The following MRPS22 variants were observed in gnomAD, a reference collection of about 807,000 sequenced individuals.
The protein encoded by MRPS22 is mitochondrial ribosomal protein S22.
A neutral mutation model predicts 44.0 loss-of-function variants in MRPS22; 30 were observed. The ratio of observed to expected loss-of-function variants is 0.68; its 90% CI spans 0.51 to 0.93. MRPS22 has a LOEUF of 0.93. Among genes scored for constraint, MRPS22 ranks in the 40% least tolerant of loss-of-function variants. MRPS22 has a pLI of 0.00. For synonymous variants in MRPS22, 165 were observed against 154.4 expected, an observed-to-expected ratio of 1.07 and a Z score of -0.51; for missense variants, 447 against 447.8, an observed-to-expected ratio of 1.00 and a Z score of 0.02.
intron 3 of MRPS22, chr3:139,349,300 C>T: frequency 2.3e-6 from 1 of 441,834 alleles, no homozygotes; most frequent in South Asian, 1.7e-5. Context: ...ATTATGTTGG[C>T]ATGTGCTTTT....
At chr3:139,344,770 A>C in intron 1 of MRPS22, 1 of 647,652 alleles carries the variant, frequency 1.5e-6, no homozygotes, top group Non-Finnish European at 2.8e-6. Context: ...TAAAGGGACA[A>C]ATTAAGATTG....
intron 1 of MRPS22, among the ~76,000 whole-genome samples, chr3:139,345,983 GAGA>G (rs1207507580): frequency 1.3e-5 from 2 of 152,218 alleles, no homozygotes; most frequent in Non-Finnish European, 2.9e-5. Context: ...ACATTTATAG[GAGA>G]AGAAGAGGTG....
intron 2 of MRPS22, among the ~76,000 whole-genome samples, chr3:139,347,279 TCTCTC>T (rs994120422): frequency 3.9e-4 from 60 of 152,220 alleles, no homozygotes; most frequent in African/African-American, 1.3e-3. Flanking sequence ...GAGAGTATCC[TCTCTC>T]CTCTCAAGGC....
At chr3:139,344,261 C>T in intron 1 of MRPS22, 63 bp downstream of exon 1, 5 of 1,527,546 alleles carry the variant, frequency 3.3e-6, no homozygotes, top group Non-Finnish European at 4.4e-6. Context: ...CTGTTTCTGG[C>T]AGGCGAAAAC....
At chr3:139,348,454 C>T in intron 3 of MRPS22, 130 bp downstream of exon 3, 1 of 873,728 alleles carries the variant, frequency 1.1e-6, no homozygotes, top group East Asian at 2.5e-5. Context: ...TGAGACCCTT[C>T]TGGAAGATAT....
At chr3:139,348,442 G>A (rs1435450151) in intron 3 of MRPS22, 118 bp downstream of exon 3, 2 of 985,566 alleles carry the variant, frequency 2.0e-6, no homozygotes, top group Non-Finnish European at 3.2e-6. Context: ...CCTCTGACTG[G>A]GTGAGACCCT....
chr3:139,349,720 T>C (rs1366381446), intron 3 of MRPS22, among the ~76,000 whole-genome samples: 2 of 152,186 alleles, frequency 1.3e-5, no homozygotes, highest in Non-Finnish European at 1.5e-5. Context: ...AATGCCAATA[T>C]AAGAAATCAT....
At chr3:139,352,114 T>C (rs777532021) in intron 5 of MRPS22, 86 of 156,152 alleles carry the variant, frequency 5.5e-4, no homozygotes, top group Non-Finnish European at 1.4e-4. Flanking sequence ...TGCTACATTA[T>C]TTCCAGTGGT....
intron 2 of MRPS22, 93 bp from the exon 3 acceptor site, chr3:139,348,067 T>G (rs933646198): frequency 1.2e-5 from 16 of 1,334,470 alleles, no homozygotes; most frequent in Admixed American, 1.2e-4. Context: ...TCTATGCAGG[T>G]TTTTGCATTT....
intron 1 of MRPS22, 45 bp downstream of exon 1, chr3:139,344,243 C>A: frequency 6.4e-7 from 1 of 1,558,874 alleles, no homozygotes; most frequent in Non-Finnish European, 8.7e-7. Context: ...TTCTGGGAGA[C>A]GTAGATCCTG....
intron 1 of MRPS22, among the ~76,000 whole-genome samples, chr3:139,345,450 G>GTTTTTTTT (rs78050187): frequency 9.4e-6 from 1 of 106,514 alleles, no homozygotes. Flanking sequence ...TTTTTTTTTT[G>GTTTTTTTT]TTTTTTTTTT....
chr3:139,346,694 C>A (rs1056335288), intron 1 of MRPS22, among the ~76,000 whole-genome samples, 184 bp from the exon 2 acceptor site: 1 of 152,228 alleles, frequency 6.6e-6, no homozygotes, highest in African/African-American at 2.4e-5. Flanking sequence ...ATCTCCTCAT[C>A]ATAATGAGTG....
intron 5 of MRPS22, 178 bp from the exon 6 acceptor site, chr3:139,352,469 A>T (rs1466935243): frequency 1.2e-5 from 7 of 574,722 alleles, no homozygotes; most frequent in African/African-American, 1.1e-4. Flanking sequence ...CTTCCCACCT[A>T]AGGTGGGTTG....
At chr3:139,354,477 G>A (rs930602493) in intron 6 of MRPS22, among the ~76,000 whole-genome samples, 5 of 152,140 alleles carry the variant, frequency 3.3e-5, no homozygotes, top group South Asian at 4.1e-4. Context: ...GAGACATTTC[G>A]TTACTACATT....
rs369865840 is a variant in MRPS22, at chr3:139,351,139, G to A, written c.732+79G>A. The A allele has an allele frequency of 1.3e-4, 147 of 1,133,420 alleles. No individual in the cohort carries two copies. The African/African-American group carries it at 1.4e-3, about 11-fold the overall frequency. The allele number at this position is 1,133,420 out of a possible 1,614,324, so 70.2% of individuals were successfully genotyped here. Reference sequence around the variant, plus strand: ...TTTTTAATCTAGCTCAATGAATTTCGTTGTAAGTTTTGATACAGGGGAAAG... The same window carrying A: ...TTTTTAATCTAGCTCAATGAATTTCATTGTAAGTTTTGATACAGGGGAAAG... On this transcript the variant is annotated intron_variant, in intron 5 of 7. Coordinates refer to ENST00000680020, the MANE Select transcript of MRPS22 (RefSeq NM_020191.4).
chr3:139,355,195 T>C (rs1941223825), intron 6 of MRPS22, among the ~76,000 whole-genome samples: 1 of 152,142 alleles, frequency 6.6e-6, no homozygotes, highest in Admixed American at 6.5e-5. Flanking sequence ...GGGCCTCTTG[T>C]AGAGGCATTT....
intron 1 of MRPS22, among the ~76,000 whole-genome samples, chr3:139,345,486 C>CTTT: frequency 9.7e-6 from 1 of 102,868 alleles, no homozygotes; most frequent in Non-Finnish European, 1.8e-5. Context: ...GGATAATCTT[C>CTTT]GTGTTTACCT....
chr3:139,354,098 C>T (rs1318898090), intron 6 of MRPS22, among the ~76,000 whole-genome samples: 1 of 152,146 alleles, frequency 6.6e-6, no homozygotes, highest in East Asian at 1.9e-4. Flanking sequence ...GGTAAAGGCC[C>T]TCCTGTGGTC....
intron 7 of MRPS22, among the ~76,000 whole-genome samples, 181 bp from the exon 8 acceptor site, chr3:139,356,738 T>G (rs1941280326): frequency 6.6e-6 from 1 of 151,392 alleles, no homozygotes; most frequent in African/African-American, 2.4e-5. Flanking sequence ...TGGGTATTGT[T>G]TTTCTGTCCA....
Sources: allele counts gnomAD v4.1 joint callset (sites outside exome capture counted in the v4.1 genomes callset), GRCh38; gene constraint gnomAD v4.1.1; transcripts MANE v1.5; gene names NCBI Gene and HGNC (gene_info 2026-07-23, HGNC 2026-07-21).